ANO2: variants seen among roughly 807,000 people sequenced by gnomAD.
The protein encoded by ANO2 is anoctamin 2.
In ANO2, 101 loss-of-function variants were observed where a neutral mutation model predicts 124.2. That is an observed-to-expected ratio of 0.81 (90% CI 0.69 to 0.96). The LOEUF is 0.96. ANO2 is among the 40% of genes least tolerant of loss of function. The pLI, the probability that ANO2 is intolerant of heterozygous loss-of-function variation, is 0.00. For synonymous variants in ANO2, 486 were observed against 482.5 expected (o/e 1.01, Z -0.09); for missense variants, 1,293 against 1,274.5 (o/e 1.01, Z -0.22).
intron 1 of ANO2, among the ~76,000 whole-genome samples, chr12:5,923,784 C>T (rs1000070820): frequency 6.5e-4 from 99 of 152,326 alleles, no homozygotes; most frequent in African/African-American, 2.1e-3. Context: ...ACTGGAACCG[C>T]GAGTTGCCAA....
At chr12:5,807,779 C>G (rs564985090) in intron 7 of ANO2, among the ~76,000 whole-genome samples, 1 of 152,334 alleles carries the variant, frequency 6.6e-6, no homozygotes, top group South Asian at 2.1e-4. Context: ...CTCCTTCCTG[C>G]TGTTTCACAA....
intron 11 of ANO2, among the ~76,000 whole-genome samples, chr12:5,746,263 C>G (rs1951263722): frequency 6.6e-6 from 1 of 152,192 alleles, no homozygotes; most frequent in African/African-American, 2.4e-5. Flanking sequence ...AATTGCTGGT[C>G]TTTAAATTAG....
At chr12:5,702,519 C>G (rs756041936) in intron 14 of ANO2, among the ~76,000 whole-genome samples, 6 of 151,220 alleles carry the variant, frequency 4.0e-5, no homozygotes, top group African/African-American at 1.5e-4. Context: ...CAACAACTCA[C>G]ATGGCCAACA....
At chr12:5,930,724 C>T (rs1942327602) in intron 1 of ANO2, among the ~76,000 whole-genome samples, 1 of 152,166 alleles carries the variant, frequency 6.6e-6, no homozygotes, top group African/African-American at 2.4e-5. Context: ...AAATTTGAAG[C>T]TCCAGGCTTA....
chr12:5,939,581 TG>T (rs2136325491), intron 1 of ANO2, among the ~76,000 whole-genome samples: 1 of 152,348 alleles, frequency 6.6e-6, no homozygotes, highest in South Asian at 2.1e-4. Flanking sequence ...AGATTTGACA[TG>T]AACAGTCACT....
intron 10 of ANO2, among the ~76,000 whole-genome samples, chr12:5,777,985 T>C (rs1952279129): frequency 6.6e-6 from 1 of 152,060 alleles, no homozygotes; most frequent in African/African-American, 2.4e-5. Flanking sequence ...CTGTTCCCCA[T>C]CTCCTCTGGA....
At chr12:5,839,178 C>G (rs978337234) in intron 4 of ANO2, among the ~76,000 whole-genome samples, 1 of 152,084 alleles carries the variant, frequency 6.6e-6, no homozygotes, top group Non-Finnish European at 1.5e-5. Flanking sequence ...GAGGTGGAGC[C>G]CAAGAAACTC....
intron 7 of ANO2, among the ~76,000 whole-genome samples, chr12:5,820,216 T>C (rs916276430): frequency 1.3e-5 from 2 of 152,168 alleles, no homozygotes; most frequent in Non-Finnish European, 2.9e-5. Flanking sequence ...TGTTAATCTT[T>C]CTCCCATCCT....
At chr12:5,840,409 T>G (rs1954478432) in intron 4 of ANO2, among the ~76,000 whole-genome samples, 1 of 152,078 alleles carries the variant, frequency 6.6e-6, no homozygotes, top group Non-Finnish European at 1.5e-5. Context: ...GCTGATTTGT[T>G]TCCTTTTTAT....
At chr12:5,826,686 T>C (rs1953967766) in intron 7 of ANO2, among the ~76,000 whole-genome samples, 2 of 152,102 alleles carry the variant, frequency 1.3e-5, no homozygotes, top group South Asian at 2.1e-4. Context: ...GTTGAGAGGT[T>C]AAGCACTATT....
At chr12:5,661,696 T>TG (rs1246154702) in intron 14 of ANO2, among the ~76,000 whole-genome samples, 1 of 152,128 alleles carries the variant, frequency 6.6e-6, no homozygotes, top group Admixed American at 6.5e-5. Flanking sequence ...TGGAATCACA[T>TG]GGGGGGCTTT....
At chr12:5,757,494 T>A (rs1221878632) in intron 10 of ANO2, among the ~76,000 whole-genome samples, 1 of 152,180 alleles carries the variant, frequency 6.6e-6, no homozygotes, top group East Asian at 1.9e-4. Flanking sequence ...CAAAAGCCTG[T>A]GACGTAAAAC....
intron 3 of ANO2, among the ~76,000 whole-genome samples, chr12:5,911,092 G>A (rs1372935890): frequency 6.6e-6 from 1 of 152,048 alleles, no homozygotes; most frequent in Non-Finnish European, 1.5e-5. Context: ...CAGACCATCG[G>A]TCACTCTCCC....
rs1942019661 is a variant in ANO2 at position 5,925,068 on chromosome 12, CAGA to C, written c.23-2267_23-2265del. ...AAGTGCCTGAGAACAGAACTTGGAACAGAAGGACTCTACCCCAGAGAAGACCTG... is the reference window on the plus strand; with the variant it reads ...AAGTGCCTGAGAACAGAACTTGGAACAGGACTCTACCCCAGAGAAGACCTG... On this transcript the variant is annotated intron_variant, in intron 1 of 24. Transcript: ENST00000682330. The surrounding 1 kb of genome is among the most constrained non-coding windows in gnomAD (Gnocchi z 4.6). Among the ~76,000 whole-genome samples the C allele has an allele frequency of 6.6e-6, 1 of 152,238 alleles. No individual in the cohort carries two copies. Among genetic ancestry groups the C allele is most frequent in the South Asian group, 2.1e-4 (1 of 4,810 alleles).
intron 10 of ANO2, among the ~76,000 whole-genome samples, chr12:5,777,660 T>C (rs1952270876): frequency 6.6e-6 from 1 of 152,102 alleles, no homozygotes; most frequent in Admixed American, 6.5e-5. Flanking sequence ...CACATACAGA[T>C]TTTTAAATGA....
chr12:5,592,962 G>A (rs992292674), intron 20 of ANO2, among the ~76,000 whole-genome samples: 20 of 152,172 alleles, frequency 1.3e-4, no homozygotes, highest in Non-Finnish European at 2.2e-4. Context: ...AGAGGAACCT[G>A]CCCTATGCAT....
intron 3 of ANO2, among the ~76,000 whole-genome samples, chr12:5,914,045 C>T (rs891794501): frequency 1.3e-5 from 2 of 151,842 alleles, no homozygotes; most frequent in Non-Finnish European, 1.5e-5. Flanking sequence ...ACTAAAAATA[C>T]AAAAATTAGC....
rs1227136050 is a variant in ANO2 at position 5,695,319 on chromosome 12, T to C, written c.1545+37201A>G. ...GATATGGAACGACTGACTCACCAAG[T>C]TGAAAAGAATCTTTAAGATCATTGG... On this transcript the variant is annotated intron_variant, in intron 14 of 24. Coordinates refer to ENST00000682330, the MANE Select transcript of ANO2 (RefSeq NM_001364791.2). Among the ~76,000 whole-genome samples, 6 of 58,314 alleles carry C rather than the reference T, an allele frequency of 1.0e-4. 1 individual carries two copies. The highest frequency in any genetic ancestry group is 2.5e-4 in the Non-Finnish European group (6 of 24,230). 38.3% of individuals were successfully genotyped at this position (58,314 alleles called of 152,430 possible).
chr12:5,794,036 A>C (rs1440955462), intron 10 of ANO2, among the ~76,000 whole-genome samples: 2 of 152,220 alleles, frequency 1.3e-5, no homozygotes, highest in African/African-American at 4.8e-5. Context: ...ATGGCATGGA[A>C]CATAATCATC....
Sources: allele counts gnomAD v4.1 joint callset (sites outside exome capture counted in the v4.1 genomes callset), GRCh38; gene constraint gnomAD v4.1.1; non-coding constraint Gnocchi (gnomAD v3.1); transcripts MANE v1.5; gene names NCBI Gene and HGNC (gene_info 2026-07-23, HGNC 2026-07-21).